The following PDIA5 variants were observed in gnomAD, a reference collection of about 807,000 sequenced individuals.
PDIA5 encodes the protein protein disulfide isomerase family A member 5.
A neutral mutation model predicts 77.6 loss-of-function variants in PDIA5; 58 were observed. The ratio of observed to expected loss-of-function variants is 0.75; its 90% confidence interval spans 0.61 to 0.93. The LOEUF (loss-of-function observed/expected upper bound fraction) is 0.93, where lower values mean the gene tolerates loss of function less well. PDIA5 is among the 40% of genes least tolerant of loss of function. PDIA5 has a pLI of 0.00. For missense variants in PDIA5, 630 were observed against 647.7 expected (o/e 0.97, Z 0.30); for synonymous variants, 250 against 252.1 (o/e 0.99, Z 0.08).
At chr3:123,130,679 G>A in intron 11 of PDIA5, 63 bp downstream of exon 11, 3 of 1,572,346 alleles carry the variant, frequency 1.9e-6, no homozygotes, top group Non-Finnish European at 8.7e-7. Flanking sequence ...GATGAGTGTG[G>A]CGCTTTGCAA....
At chr3:123,157,759 T>C (rs912186460) in intron 15 of PDIA5, among the ~76,000 whole-genome samples, 5 of 152,226 alleles carry the variant, frequency 3.3e-5, no homozygotes, top group South Asian at 2.1e-4. Flanking sequence ...GGGAGCTTAC[T>C]TGGGGACTTT....
chr3:123,086,354 C>T (rs533666843), intron 1 of PDIA5, among the ~76,000 whole-genome samples: 1 of 152,176 alleles, frequency 6.6e-6, no homozygotes, highest in East Asian at 1.9e-4. Flanking sequence ...GGTTGAGTGA[C>T]ATTGGCTAGG....
chr3:123,089,949 T>C (rs185520450), intron 2 of PDIA5, among the ~76,000 whole-genome samples: 184 of 152,166 alleles, frequency 1.2e-3, no homozygotes, highest in African/African-American at 4.2e-3. Context: ...TGGGGGAGGG[T>C]GAACGCTGAC....
At chr3:123,148,859 G>C (rs1935824184) in intron 13 of PDIA5, among the ~76,000 whole-genome samples, 1 of 152,234 alleles carries the variant, frequency 6.6e-6, no homozygotes, top group Non-Finnish European at 1.5e-5. Context: ...ATGGCTCGGG[G>C]GTGGAGAACT....
chr3:123,090,712 A>G (rs147200178), intron 2 of PDIA5, among the ~76,000 whole-genome samples: 1 of 152,232 alleles, frequency 6.6e-6, no homozygotes, highest in Non-Finnish European at 1.5e-5. Context: ...ATGGGAAGTT[A>G]GAGAGTGGAA....
chr3:123,103,257 A>G (rs1934647895), intron 5 of PDIA5, among the ~76,000 whole-genome samples: 1 of 152,182 alleles, frequency 6.6e-6, no homozygotes, highest in Non-Finnish European at 1.5e-5. Context: ...TATCAATCCA[A>G]TTTAGAAGTA....
intron 3 of PDIA5, among the ~76,000 whole-genome samples, chr3:123,097,599 C>T (rs369823830): frequency 6.6e-6 from 1 of 152,158 alleles, no homozygotes; most frequent in East Asian, 1.9e-4. Flanking sequence ...TTGTCTCCTG[C>T]CTTGTATCCT....
chr3:123,077,545 CACAT>C (rs778833397), intron 1 of PDIA5, among the ~76,000 whole-genome samples: 1 of 134,506 alleles, frequency 7.4e-6, no homozygotes, highest in African/African-American at 2.8e-5. Flanking sequence ...CCACCTCACA[CACAT>C]ACACACACAC....
chr3:123,099,057 G>A (rs112368205), intron 3 of PDIA5, among the ~76,000 whole-genome samples: 10 of 150,950 alleles, frequency 6.6e-5, no homozygotes, highest in African/African-American at 1.5e-4. Context: ...ACATGCTTGC[G>A]CACACACACA....
chr3:123,123,134 G>A (rs201756875), intron 8 of PDIA5, among the ~76,000 whole-genome samples: 5 of 152,078 alleles, frequency 3.3e-5, no homozygotes, highest in South Asian at 4.2e-4. Flanking sequence ...TATACTAGCC[G>A]GACATACTGC....
At chr3:123,099,467 C>T (rs1375258782) in intron 3 of PDIA5, among the ~76,000 whole-genome samples, 1 of 152,200 alleles carries the variant, frequency 6.6e-6, no homozygotes, top group Admixed American at 6.5e-5. Context: ...ACTCACCCCT[C>T]AGGGAGAGAG....
chr3:123,137,777 A>G (rs918281125), intron 11 of PDIA5, among the ~76,000 whole-genome samples: 1 of 152,216 alleles, frequency 6.6e-6, no homozygotes, highest in African/African-American at 2.4e-5. Flanking sequence ...CTAACCACTG[A>G]GCCATTCTGC....
At chr3:123,092,518 A>C in intron 3 of PDIA5, 76 bp downstream of exon 3, 4 of 1,028,420 alleles carry the variant, frequency 3.9e-6, no homozygotes, top group Non-Finnish European at 6.2e-6. Flanking sequence ...GGGGACAGGA[A>C]CTGTCTCTTG....
Position 123,145,603 on chromosome 3 carries a change from T to C in PDIA5, c.981+11T>C, listed in dbSNP as rs763789945. Reference sequence around the variant, plus strand: ...CATGGAGAAGCGGATGTAAGCTTCCTTTCCTTCCCCCTCACCGTTCTCTTT... The same window carrying C: ...CATGGAGAAGCGGATGTAAGCTTCCCTTCCTTCCCCCTCACCGTTCTCTTT... On this transcript the variant is annotated intron_variant, in intron 12 of 16. Transcript: ENST00000316218. 6.3e-7 allele frequency: 1 copy of C among 1,599,960 alleles called. No homozygotes were observed. Among genetic ancestry groups the C allele is most frequent in the East Asian group, 2.2e-5 (1 of 44,806 alleles).
chr3:123,125,755 G>A (rs966845079), intron 10 of PDIA5, among the ~76,000 whole-genome samples: 7 of 152,316 alleles, frequency 4.6e-5, no homozygotes, highest in African/African-American at 4.8e-5. Context: ...AGGCACAAGT[G>A]CTAGCACATG....
At chr3:123,139,731 C>T (rs1935580907) in intron 11 of PDIA5, among the ~76,000 whole-genome samples, 1 of 152,306 alleles carries the variant, frequency 6.6e-6, no homozygotes, top group Non-Finnish European at 1.5e-5. Flanking sequence ...AGCCATGACC[C>T]TTGCCCATAA....
intron 1 of PDIA5, among the ~76,000 whole-genome samples, chr3:123,087,371 G>A (rs1206839353): frequency 2.0e-5 from 3 of 150,802 alleles, no homozygotes; most frequent in Non-Finnish European, 4.4e-5. Flanking sequence ...TCTTTTTCTG[G>A]AGTCTCTTTA....
intron 1 of PDIA5, among the ~76,000 whole-genome samples, chr3:123,077,705 C>A (rs189789233): frequency 6.6e-6 from 1 of 152,186 alleles, no homozygotes; most frequent in East Asian, 1.9e-4. Context: ...TAAGGTTAGG[C>A]CTTCACTCCT....
chr3:123,128,839 T>C (rs369099046), intron 10 of PDIA5, among the ~76,000 whole-genome samples: 1 of 152,210 alleles, frequency 6.6e-6, no homozygotes, highest in African/African-American at 2.4e-5. Flanking sequence ...ACCAGTTTCT[T>C]TTATGTTCTT....
Sources: allele counts gnomAD v4.1 joint callset (sites outside exome capture counted in the v4.1 genomes callset), GRCh38; gene constraint gnomAD v4.1.1; transcripts MANE v1.5; gene names NCBI Gene and HGNC (gene_info 2026-07-23, HGNC 2026-07-21).